The following LNX2 variants were observed in gnomAD, a reference collection of about 807,000 sequenced individuals.
LNX2 encodes ligand of Numb protein X 2.
A neutral mutation model predicts 66.2 loss-of-function variants in LNX2; 35 were observed. The ratio of observed to expected loss-of-function variants is 0.53; its 90% CI spans 0.40 to 0.70. The LOEUF (loss-of-function observed/expected upper bound fraction) is 0.70. LNX2 is among the 30% of genes least tolerant of loss of function. LNX2 has a pLI of 0.00. For synonymous variants in LNX2, 337 were observed against 315.6 expected (o/e 1.07, Z -0.72); for missense variants, 791 against 850.8 (o/e 0.93, Z 0.87).
intron 1 of LNX2, among the ~76,000 whole-genome samples, chr13:27,592,070 G>A (rs1385293367): frequency 6.6e-6 from 1 of 152,210 alleles, no homozygotes; most frequent in Non-Finnish European, 1.5e-5. Flanking sequence ...GAAGACATCA[G>A]AATGGTTACT....
chr13:27,555,976 T>A (rs1216640213), intron 7 of LNX2, among the ~76,000 whole-genome samples: 1 of 152,222 alleles, frequency 6.6e-6, no homozygotes, highest in Non-Finnish European at 1.5e-5. Context: ...TAGAGGATCT[T>A]TTCCCAAGAT....
At chr13:27,569,684 C>A (rs1955253947) in intron 2 of LNX2, among the ~76,000 whole-genome samples, 1 of 152,154 alleles carries the variant, frequency 6.6e-6, no homozygotes, top group Admixed American at 6.5e-5. Flanking sequence ...GTGGTTGCGT[C>A]CTGACTTAGA....
intron 1 of LNX2, among the ~76,000 whole-genome samples, chr13:27,601,651 A>G (rs1242476062): frequency 2.0e-5 from 3 of 152,196 alleles, no homozygotes; most frequent in Non-Finnish European, 1.5e-5. Context: ...ACAGACAATG[A>G]AAAGTTCCAT....
At chr13:27,591,676 G>A (rs953606654) in intron 1 of LNX2, among the ~76,000 whole-genome samples, 2 of 152,304 alleles carry the variant, frequency 1.3e-5, no homozygotes, top group African/African-American at 4.8e-5. Context: ...GTTAGGAGTT[G>A]AGCACTGAAC....
At chr13:27,580,860 A>G (rs777095180) in intron 2 of LNX2, among the ~76,000 whole-genome samples, 19 of 152,206 alleles carry the variant, frequency 1.2e-4, no homozygotes, top group Non-Finnish European at 2.6e-4. Context: ...CCAATTTACC[A>G]AACTATGCAC....
intron 7 of LNX2, among the ~76,000 whole-genome samples, chr13:27,555,453 G>T (rs769468240): frequency 6.6e-6 from 1 of 152,046 alleles, no homozygotes; most frequent in Non-Finnish European, 1.5e-5. Context: ...CATTTGCTTG[G>T]TTGTATTCTT....
At chr13:27,565,490 G>A (rs1040448158) in intron 4 of LNX2, among the ~76,000 whole-genome samples, 1 of 152,170 alleles carries the variant, frequency 6.6e-6, no homozygotes. Flanking sequence ...GAAATGAGCT[G>A]TAAGAGTCGC....
chr13:27,608,073 T>C (rs146900367), intron 1 of LNX2, among the ~76,000 whole-genome samples: 29 of 152,338 alleles, frequency 1.9e-4, no homozygotes, highest in South Asian at 1.0e-3. Context: ...CTCATTGCTA[T>C]AGTCTCACCA....
chr13:27,585,931 A>G (rs2138412074), intron 1 of LNX2, among the ~76,000 whole-genome samples: 1 of 151,026 alleles, frequency 6.6e-6, no homozygotes, highest in East Asian at 1.9e-4. Flanking sequence ...AAGAAAATTA[A>G]CATGTTCCCA....
upstream of LNX2, among the ~76,000 whole-genome samples, chr13:27,620,556 T>C (rs1453318650): frequency 3.9e-5 from 6 of 151,960 alleles, no homozygotes; most frequent in African/African-American, 1.5e-4. Context: ...CGGCCAAGAC[T>C]TCACTTCTCA....
In LNX2 at chr13:27,606,509, G is replaced by A. The variant is rs377455441; in HGVS notation, c.-101+13866C>T. On this transcript the variant is annotated intron_variant, in intron 1 of 9. Coordinates refer to ENST00000316334, the MANE Select transcript of LNX2 (RefSeq NM_153371.4). ...ATTAATTAAGGTGGGATCAGCAAAC[G>A]AAAGGTGATCAAGTTAAATTTCAAA... Among the ~76,000 whole-genome samples, 40 of 151,458 alleles carry A rather than the reference G, an allele frequency of 2.6e-4. No homozygotes were observed. The East Asian group carries it at 3.1e-3, about 12-fold the overall frequency.
Position 27,581,208 on chromosome 13 carries a change from G to A in LNX2, c.407+89C>T, listed in dbSNP as rs371351027. 20 of 1,055,710 alleles carry A rather than the reference G, an allele frequency of 1.9e-5. No individual in the cohort carries two copies. The East Asian group carries it at 2.1e-4, about 11-fold the overall frequency. 65.4% of individuals were successfully genotyped at this position (1,055,710 alleles called of 1,614,324 possible). On this transcript the variant is annotated intron_variant, in intron 2 of 9. Transcript: ENST00000316334. ...TCACCCATTTACTTACTAGTGCTCT[G>A]GTTTGTTTTGTTTTAATCAAGTTTT...
intron 3 of LNX2, among the ~76,000 whole-genome samples, chr13:27,568,239 C>T (rs945038141): frequency 3.3e-5 from 5 of 152,130 alleles, no homozygotes; most frequent in African/African-American, 4.8e-5. Flanking sequence ...GAGAGAGTAG[C>T]CACATCAAGC....
intron 1 of LNX2, among the ~76,000 whole-genome samples, chr13:27,597,458 T>C (rs1955611340): frequency 6.6e-6 from 1 of 152,164 alleles, no homozygotes. Context: ...TAAAAATTGA[T>C]ATTTCAGAAA....
At position 27,553,415 on chromosome 13, in the gene LNX2, C is replaced by A; in HGVS notation, c.1571G>T (p.Gly524Val). ...GTGACTTAAATTGGTCAAATCAATGCCGTTGATATTTAGCAACACATCACC... is the reference window on the plus strand; with the variant it reads ...GTGACTTAAATTGGTCAAATCAATGACGTTGATATTTAGCAACACATCACC... Reference protein sequence around the residue: ...KRGDVLLNINGIDLTNLSHSE... With the variant: ...KRGDVLLNINVIDLTNLSHSE... The change falls in exon 8 of 10, where the codon GGC becomes GTC. Residue 524 changes from glycine (G) to valine (V), a missense_variant. Transcript: ENST00000316334. The A allele has an allele frequency of 1.2e-6, 2 of 1,613,974 alleles. No individual in the cohort carries two copies. Among genetic ancestry groups the A allele is most frequent in the Non-Finnish European group, 8.5e-7 (1 of 1,179,912 alleles).
chr13:27,581,464 C>T lies in LNX2; in HGVS notation c.240G>A (p.Glu80=), dbSNP rs781005511. 1.6e-5 allele frequency: 26 copies of T among 1,610,946 alleles called. No individual in the cohort carries two copies. Among genetic ancestry groups the T allele is most frequent in the Middle Eastern group, 1.6e-4 (1 of 6,070 alleles). The change falls in exon 2 of 10, where the codon GAG becomes GAA. Residue 80 remains glutamate (E), a synonymous_variant. Transcript: ENST00000316334. ...CYKCLRNFLQ[E]KDFCPLDRKR... is the part of the protein sequence containing the mutation. ...TCCGGTCCAACGGACAGAAATCTTT[C>T]TCTTGTAAAAAGTTTCTGAGGCACT...
Position 27,583,245 on chromosome 13 carries a change from T to TGCGCGCGC in LNX2, c.-100-1443_-100-1442insGCGCGCGC, listed in dbSNP as rs1377484241. Among the ~76,000 whole-genome samples, 7 of 32,220 alleles carry TGCGCGCGC rather than the reference T, an allele frequency of 2.2e-4. 2 individuals are homozygous for TGCGCGCGC. The highest frequency in any genetic ancestry group is 3.2e-4 in the Non-Finnish European group (6 of 18,882). 21.1% of individuals were successfully genotyped at this position (32,220 alleles called of 152,430 possible). A position where few individuals can be genotyped will look rare whatever the true frequency, so the allele number is the denominator to read the frequency against. On this transcript the variant is annotated intron_variant, in intron 1 of 9. Coordinates refer to ENST00000316334, the MANE Select transcript of LNX2 (RefSeq NM_153371.4). ...GTGTGTGTGTGTGTGTGTGTGTGTG[T>TGCGCGCGC]GTGTGTGTGTGCGCGCGTCCTCTCC...
chr13:27,571,347 A>C (rs950727122), intron 2 of LNX2, among the ~76,000 whole-genome samples: 4 of 152,252 alleles, frequency 2.6e-5, no homozygotes, highest in Admixed American at 2.6e-4. Context: ...AGGTAACCTC[A>C]GAAAGAACAC....
intron 4 of LNX2, among the ~76,000 whole-genome samples, chr13:27,567,167 C>T (rs901419623): frequency 2.8e-4 from 43 of 151,964 alleles, no homozygotes; most frequent in African/African-American, 9.4e-4. Context: ...ATCTTATAAT[C>T]TGTGGTATAA....
Sources: allele counts gnomAD v4.1 joint callset (sites outside exome capture counted in the v4.1 genomes callset), GRCh38; gene constraint gnomAD v4.1.1; transcripts MANE v1.5; gene names NCBI Gene and HGNC (gene_info 2026-07-23, HGNC 2026-07-21).